TMC1: variants seen among roughly 807,000 people sequenced by gnomAD.
TMC1 encodes transmembrane channel-like protein 1.
A neutral mutation model predicts 105.8 loss-of-function variants in TMC1; 84 were observed. That is an observed-to-expected ratio of 0.79 (90% CI 0.67 to 0.95). The LOEUF (loss-of-function observed/expected upper bound fraction) is 0.95. Among genes scored for constraint, TMC1 ranks in the 40% least tolerant of loss-of-function variants. The probability of loss-of-function intolerance (pLI) is 0.00; values close to 1 mark genes in which losing one functional copy is unlikely to be tolerated. For synonymous variants in TMC1, 315 were observed against 311.5 expected (o/e 1.01, Z -0.12); for missense variants, 817 against 914.1 (o/e 0.89, Z 1.37).
At chr9:72,761,683 T>G (rs921855807) in intron 12 of TMC1, among the ~76,000 whole-genome samples, 4 of 152,198 alleles carry the variant, frequency 2.6e-5, no homozygotes, top group Non-Finnish European at 5.9e-5. Context: ...GGTTTGTCCT[T>G]AAAGGAGACA....
At chr9:72,569,092 C>T in intron 1 of TMC1, among the ~76,000 whole-genome samples, 1 of 152,110 alleles carries the variant, frequency 6.6e-6, no homozygotes, top group Non-Finnish European at 1.5e-5. Flanking sequence ...CCCTCAGATA[C>T]CAAAATTTGG....
At chr9:72,609,197 C>CTTCT (rs1163363521) in intron 2 of TMC1, among the ~76,000 whole-genome samples, 2 of 147,592 alleles carry the variant, frequency 1.4e-5, no homozygotes, top group African/African-American at 5.2e-5. Flanking sequence ...TCCTTCCTTC[C>CTTCT]TTCCTTCCTT....
chr9:72,749,856 C>T (rs1469637976), intron 10 of TMC1, among the ~76,000 whole-genome samples: 1 of 152,072 alleles, frequency 6.6e-6, no homozygotes, highest in Non-Finnish European at 1.5e-5. Flanking sequence ...CTCCTGTAAT[C>T]CCAGCACTTT....
chr9:72,539,231 A>AG lies in TMC1; in HGVS notation c.-428+17318_-428+17319insG, dbSNP rs1217233756. Among the ~76,000 whole-genome samples the AG allele has an allele frequency of 2.0e-5, 3 of 150,998 alleles. No individual in the cohort carries two copies. In the South Asian group the frequency reaches 6.3e-4, roughly 32 times the overall value. ...AACCCCATCTCTACAAAAAATACAA[A>AG]AAAAAAACAACAACAAAAAAACAAA... is the stretch of plus-strand genomic sequence containing the variant. On this transcript the variant is annotated intron_variant, in intron 1 of 23. Transcript: ENST00000297784.
chr9:72,675,776 C>G (rs1186392774), intron 5 of TMC1, among the ~76,000 whole-genome samples: 1 of 152,102 alleles, frequency 6.6e-6, no homozygotes, highest in Admixed American at 6.6e-5. Flanking sequence ...CTAAGTGACC[C>G]CACCCCATGC....
intron 17 of TMC1, among the ~76,000 whole-genome samples, chr9:72,801,716 C>T (rs989805625): frequency 6.6e-6 from 1 of 152,192 alleles, no homozygotes; most frequent in Non-Finnish European, 1.5e-5. Flanking sequence ...TAGCAGGAGG[C>T]CTGTGTGGGG....
At chr9:72,553,756 G>A (rs1564405957) in intron 1 of TMC1, among the ~76,000 whole-genome samples, 1 of 152,006 alleles carries the variant, frequency 6.6e-6, no homozygotes, top group Non-Finnish European at 1.5e-5. Context: ...AAAAGTAATT[G>A]GATTTCTGGG....
chr9:72,606,784 G>A (rs1198321946), intron 2 of TMC1, among the ~76,000 whole-genome samples: 1 of 152,096 alleles, frequency 6.6e-6, no homozygotes, highest in African/African-American at 2.4e-5. Context: ...AGCCTCTGGT[G>A]CTAGACTGCC....
intron 3 of TMC1, among the ~76,000 whole-genome samples, chr9:72,624,553 T>G (rs371087633): frequency 6.6e-6 from 1 of 152,208 alleles, no homozygotes. Context: ...TTGCTCATAG[T>G]TTTCCCCACT....
intron 1 of TMC1, among the ~76,000 whole-genome samples, chr9:72,547,807 C>T (rs1823797613): frequency 1.3e-5 from 2 of 152,144 alleles, no homozygotes; most frequent in African/African-American, 2.4e-5. Context: ...TATAGCTAAG[C>T]GTATTAGTCC....
chr9:72,645,255 A>G (rs1178912567), intron 4 of TMC1, among the ~76,000 whole-genome samples: 4 of 152,208 alleles, frequency 2.6e-5, no homozygotes, highest in African/African-American at 4.8e-5. Flanking sequence ...AAAATTGGCC[A>G]AAGTTTCCAC....
chr9:72,589,544 G>A (rs1824602516), intron 2 of TMC1, among the ~76,000 whole-genome samples: 1 of 152,102 alleles, frequency 6.6e-6, no homozygotes, highest in African/African-American at 2.4e-5. Flanking sequence ...GGTTCATTTG[G>A]CTCTGAGCTT....
chr9:72,746,931 G>C (rs1827499476), intron 10 of TMC1, among the ~76,000 whole-genome samples: 1 of 152,138 alleles, frequency 6.6e-6, no homozygotes, highest in Non-Finnish European at 1.5e-5. Flanking sequence ...TCATTGAACT[G>C]TGTATTTTTC....
chr9:72,540,554 G>A (rs7855782), intron 1 of TMC1, among the ~76,000 whole-genome samples: 79,588 of 151,626 alleles, frequency 0.52, 21,820 homozygotes, highest in African/African-American at 0.69. Flanking sequence ...ATTCCTTTCC[G>A]ATCTTTATCC....
rs540908247 is a variant in TMC1 at position 72,786,901 on chromosome 9, G to GC, written c.885-1435dup. Among the ~76,000 whole-genome samples the GC allele has an allele frequency of 3.3e-5, 5 of 151,966 alleles. No individual in the cohort carries two copies. The South Asian group carries it at 1.0e-3, about 32-fold the overall frequency. ...TGCCAAGTGGCCATTTTTACTTGAA[G>GC]CCCTGCCCTTGGTCAATGACAGTGC... On this transcript the variant is annotated intron_variant, in intron 13 of 23. Coordinates refer to ENST00000297784, the MANE Select transcript of TMC1 (RefSeq NM_138691.3).
At chr9:72,567,301 T>C (rs1308553362) in intron 1 of TMC1, among the ~76,000 whole-genome samples, 1 of 152,226 alleles carries the variant, frequency 6.6e-6, no homozygotes, top group East Asian at 1.9e-4. Context: ...TTCTCAAATA[T>C]GTCTTCTTTG....
intron 5 of TMC1, among the ~76,000 whole-genome samples, chr9:72,650,883 G>GATATATATATATAT (rs1288685250): frequency 9.1e-5 from 9 of 98,408 alleles, no homozygotes; most frequent in African/African-American, 2.8e-4. Context: ...TATATATATA[G>GATATATATATATAT]ATATATAGAT....
chr9:72,529,188 C>G (rs1823455869), intron 1 of TMC1, among the ~76,000 whole-genome samples: 1 of 151,740 alleles, frequency 6.6e-6, no homozygotes, highest in Admixed American at 6.6e-5. Context: ...GGTCCTGGAA[C>G]CATTCCTCCA....
intron 4 of TMC1, among the ~76,000 whole-genome samples, chr9:72,629,049 C>T (rs1564455190): frequency 1.3e-5 from 2 of 152,146 alleles, no homozygotes; most frequent in Admixed American, 1.3e-4. Flanking sequence ...TGAGCCACTA[C>T]TATATGCCAT....
Sources: gnomAD v4.1 joint callset for allele counts (sites outside exome capture counted in the v4.1 genomes callset) on GRCh38, gnomAD v4.1.1 for gene constraint, MANE v1.5 for transcripts, NCBI Gene and HGNC (gene_info 2026-07-23, HGNC 2026-07-21) for gene names.